Variants in ZYG11A observed in about 807,000 individuals in gnomAD.
ZYG11A encodes the protein protein zyg-11 homolog A.
Under a neutral mutation model 77.2 loss-of-function variants are expected in ZYG11A, and 62 were observed. The ratio of observed to expected loss-of-function variants is 0.80; its 90% CI spans 0.65 to 0.99. ZYG11A has a LOEUF of 0.99. ZYG11A is among the 50% of genes least tolerant of loss of function. The pLI, the probability that ZYG11A is intolerant of heterozygous loss-of-function variation, is 0.00. For missense variants in ZYG11A, 828 were observed against 896.8 expected (o/e 0.92, Z 0.98); for synonymous variants, 315 against 324.6 (o/e 0.97, Z 0.32).
intron 1 of ZYG11A, among the ~76,000 whole-genome samples, chr1:52,849,686 T>G (rs1471042697): frequency 1.0e-5 from 1 of 97,848 alleles, no homozygotes; most frequent in East Asian, 2.3e-4. Flanking sequence ...AATTATACAT[T>G]TCTTTTTTTT....
Position 52,846,502 on chromosome 1 carries a change from G to A in ZYG11A, c.90+3529G>A, listed in dbSNP as rs183902407. Among the ~76,000 whole-genome samples, 465 of 151,212 alleles carry A rather than the reference G, an allele frequency of 3.1e-3. 2 individuals are homozygous for A. The highest frequency in any genetic ancestry group is 0.011 in the African/African-American group (443 of 41,284). ...TGAGTAGCTGGGACTATAGGTGCAC[G>A]CCACCATTCCCGGCTAATTTTTGTA... On this transcript the variant is annotated intron_variant, in intron 1 of 13. Coordinates refer to ENST00000371528, the MANE Select transcript of ZYG11A (RefSeq NM_001004339.3).
Position 52,864,050 on chromosome 1 carries a change from C to G in ZYG11A, c.1219C>G (p.Leu407Val), listed in dbSNP as rs912504029. The G allele has an allele frequency of 6.4e-7, 1 of 1,551,824 alleles. No homozygotes were observed. Among genetic ancestry groups the G allele is most frequent in the Admixed American group, 2.0e-5 (1 of 51,014 alleles). ...RVQFTASACA[L>V]NLTRQGLAKG... ...GCAGTTCACAGCCAGTGCTTGCGCT[C>G]TCAACCTAACACGCCAGGGCCTGGC... Residue 407 changes from leucine to valine, a missense_variant, in exon 5 of 14, where the codon CTC (leucine) becomes GTC (valine). Physicochemically the swap from Leu to Val is conservative, Grantham distance 32. Transcript: ENST00000371528.
chr1:52,864,304 G>C, intron 5 of ZYG11A, 147 bp downstream of exon 5: 2 of 790,532 alleles, frequency 2.5e-6, no homozygotes, highest in Non-Finnish European at 3.9e-6. Flanking sequence ...GGAGTGCGGT[G>C]GCACGATCTC....
At chr1:52,869,420 C>T (rs1646095916) in intron 8 of ZYG11A, among the ~76,000 whole-genome samples, 1 of 151,356 alleles carries the variant, frequency 6.6e-6, no homozygotes, top group African/African-American at 2.4e-5. Flanking sequence ...TCCCTGGGTA[C>T]TTGAGATTAG....
chr1:52,881,473 C>A lies in ZYG11A; in HGVS notation c.1752C>A (p.Asn584Lys). ...TCTCTGCTCCATCTGACCTGTAGAA[C>A]AACATAGCAGAAGTCAGAGAGCTCT... is the stretch of plus-strand genomic sequence containing the variant. ...AIQSKVLGLL[N>K]NIAEVRELSS... Residue 584 changes from asparagine to lysine, a missense_variant and splice_region_variant, in exon 11 of 14, where the codon AAC becomes AAA. Asn to Lys is a moderately conservative substitution (Grantham distance 94). Coordinates refer to ENST00000371528, the MANE Select transcript of ZYG11A (RefSeq NM_001004339.3). 6.5e-7 allele frequency: 1 copy of A among 1,545,894 alleles called. No homozygotes were observed. The highest frequency in any genetic ancestry group is 8.7e-7 in the Non-Finnish European group (1 of 1,144,048).
At chr1:52,859,663 T>TACCTATACTATA (rs1553121657) in intron 3 of ZYG11A, among the ~76,000 whole-genome samples, 29 of 126,114 alleles carry the variant, frequency 2.3e-4, no homozygotes, top group South Asian at 1.0e-3. Context: ...TGTTTGTGTA[T>TACCTATACTATA]TGCCTTTTTT....
chr1:52,858,460 C>G (rs7534386), intron 3 of ZYG11A, among the ~76,000 whole-genome samples: 2,549 of 151,126 alleles, frequency 0.017, 76 homozygotes, highest in African/African-American at 0.059. Flanking sequence ...CACGTGCCAC[C>G]ATGCCCAGCT....
chr1:52,843,692 T>TTTC (rs1645502756), intron 1 of ZYG11A, among the ~76,000 whole-genome samples: 1 of 147,152 alleles, frequency 6.8e-6, no homozygotes, highest in African/African-American at 2.5e-5. Context: ...TTCTTTCTTT[T>TTTC]TTTTTTTTTT....
chr1:52,866,091 C>G (rs560175168), intron 5 of ZYG11A, among the ~76,000 whole-genome samples: 226 of 152,094 alleles, frequency 1.5e-3, no homozygotes, highest in Non-Finnish European at 2.6e-3. Flanking sequence ...GCACCCACCA[C>G]CACGCCCGGC....
intron 8 of ZYG11A, among the ~76,000 whole-genome samples, chr1:52,868,070 G>A (rs1300346547): frequency 2.6e-5 from 2 of 75,804 alleles, no homozygotes; most frequent in Non-Finnish European, 5.4e-5. Flanking sequence ...GGGTTCACGC[G>A]ATCCCCTGCC....
intron 13 of ZYG11A, among the ~76,000 whole-genome samples, chr1:52,891,122 A>G (rs1646536204): frequency 6.6e-6 from 1 of 151,226 alleles, no homozygotes; most frequent in Non-Finnish European, 1.5e-5. Flanking sequence ...CTGGTCTCAA[A>G]CTCCTGACCT....
chr1:52,855,108 T>A (rs933436122), intron 2 of ZYG11A, among the ~76,000 whole-genome samples: 5 of 152,056 alleles, frequency 3.3e-5, no homozygotes, highest in African/African-American at 1.2e-4. Context: ...ATGATCCGTC[T>A]GCCTTGGCTT....
chr1:52,883,675 C>T (rs1646398906), intron 11 of ZYG11A, among the ~76,000 whole-genome samples: 1 of 152,078 alleles, frequency 6.6e-6, no homozygotes, highest in Non-Finnish European at 1.5e-5. Flanking sequence ...GATCTGCCCA[C>T]CTCAGCCTCC....
intron 4 of ZYG11A, 103 bp downstream of exon 4, chr1:52,860,974 T>C (rs981602080): frequency 8.4e-7 from 1 of 1,186,772 alleles, no homozygotes; most frequent in South Asian, 1.6e-5. Flanking sequence ...CTTTATTCTA[T>C]AGTGAGTCAA....
At chr1:52,862,334 C>T (rs1428507505) in intron 4 of ZYG11A, among the ~76,000 whole-genome samples, 11 of 139,962 alleles carry the variant, frequency 7.9e-5, no homozygotes, top group Non-Finnish European at 1.2e-4. Context: ...TTTTTTGAGA[C>T]GGCGTCTCGC....
chr1:52,852,368 ATTT>A (rs35540943), intron 1 of ZYG11A, among the ~76,000 whole-genome samples: 32 of 134,084 alleles, frequency 2.4e-4, no homozygotes, highest in Non-Finnish European at 3.4e-4. Flanking sequence ...TTTAGAGCAA[ATTT>A]TTTTTTTTTT....
At chr1:52,864,276 C>G in intron 5 of ZYG11A, 119 bp downstream of exon 5, 12 of 1,025,304 alleles carry the variant, frequency 1.2e-5, no homozygotes, top group South Asian at 1.0e-4. Context: ...GACAGAGTCT[C>G]TCTCTGTCGC....
At chr1:52,874,480 G>A (rs1399390200) in intron 8 of ZYG11A, among the ~76,000 whole-genome samples, 1 of 151,990 alleles carries the variant, frequency 6.6e-6, no homozygotes, top group Non-Finnish European at 1.5e-5. Flanking sequence ...TCGAGCTCCT[G>A]GGCTCAAGCG....
Position 52,860,886 on chromosome 1 carries a change from A to G in ZYG11A, c.1149+15A>G, listed in dbSNP as rs1451394294. The G allele has an allele frequency of 1.0e-5, 16 of 1,548,082 alleles. No individual in the cohort carries two copies. In the East Asian group the frequency reaches 3.9e-4, roughly 38 times the overall value. On this transcript the variant is annotated intron_variant, in intron 4 of 13. Coordinates refer to ENST00000371528, the MANE Select transcript of ZYG11A (RefSeq NM_001004339.3). ...CTATTTTAAAGGTAATTGAAGGAAG[A>G]CAATTTTTACTATTACTTCTTAACT...
Sources: allele counts gnomAD v4.1 joint callset (sites outside exome capture counted in the v4.1 genomes callset), GRCh38; gene constraint gnomAD v4.1.1; transcripts MANE v1.5; gene names NCBI Gene and HGNC (gene_info 2026-07-23, HGNC 2026-07-21).